Variants in TRIM25 observed in about 807,000 individuals in gnomAD.
The protein encoded by TRIM25 is tripartite motif containing 25.
TRIM25 carries 45 observed loss-of-function variants against 65.2 expected under a neutral mutation model. That is an observed-to-expected ratio of 0.69 (90% confidence interval 0.54 to 0.89). The LOEUF is 0.89. Ranked by LOEUF, TRIM25 falls within the 40% of genes least tolerant of loss-of-function variation. The pLI is 0.00. For synonymous variants in TRIM25, 321 were observed against 340.4 expected (o/e 0.94, Z 0.63); for missense variants, 714 against 803.7 (o/e 0.89, Z 1.35).
At chr17:56,906,606 A>G (rs1909525231) in intron 2 of TRIM25, among the ~76,000 whole-genome samples, 2 of 151,844 alleles carry the variant, frequency 1.3e-5, no homozygotes, top group African/African-American at 4.8e-5. Context: ...TAATTATCCT[A>G]CCTCAGCCTC....
chr17:56,888,451 T>G lies in TRIM25; in HGVS notation c.*3249A>C, dbSNP rs186819279. On this transcript the variant is annotated 3_prime_UTR_variant, in exon 9 of 9. Coordinates refer to ENST00000316881, the MANE Select transcript of TRIM25 (RefSeq NM_005082.5). The stretch of plus-strand genomic sequence containing the variant: ...TACCCCAATTGAAACAAGGATAAAA[T>G]CCACTGAACATGGAGGGCCCATTGC... 4 of 151,812 alleles carry G rather than the reference T, an allele frequency of 2.6e-5. No homozygotes were observed. The highest frequency in any genetic ancestry group is 6.6e-5 in the Admixed American group (1 of 15,258). 9.4% of individuals were successfully genotyped at this position (151,812 alleles called of 1,614,324 possible).
At chr17:56,897,827 C>G (rs1358647210) in intron 5 of TRIM25, among the ~76,000 whole-genome samples, 1 of 152,144 alleles carries the variant, frequency 6.6e-6, no homozygotes, top group Non-Finnish European at 1.5e-5. Context: ...CTTTCCACTT[C>G]CTCTTTCACT....
At position 56,891,097 on chromosome 17, in the gene TRIM25, A is replaced by G. The variant is rs1909160132; in HGVS notation, c.*603T>C. On this transcript the variant is annotated 3_prime_UTR_variant, in exon 9 of 9. Transcript: ENST00000316881. Reference sequence around the variant, plus strand: ...GTGCAGGGTAGGAAGGGAACGCACTATTTTCCAGTGGAGGAAGAGGGTATG... The same window carrying G: ...GTGCAGGGTAGGAAGGGAACGCACTGTTTTCCAGTGGAGGAAGAGGGTATG... 5.5e-6 allele frequency: 2 copies of G among 365,916 alleles called. No homozygotes were observed. The highest frequency in any genetic ancestry group is 3.6e-5 in the Admixed American group (1 of 28,068). 22.7% of individuals were successfully genotyped at this position (365,916 alleles called of 1,614,324 possible). A position where few individuals can be genotyped will look rare whatever the true frequency, so the allele number is the denominator to read the frequency against.
chr17:56,890,670 G>A lies in TRIM25; in HGVS notation c.*1030C>T, dbSNP rs1234700006. Reference sequence around the variant, plus strand: ...ATCCAGCTTAGCTGGAGGCTTGACTGTGCTAGCCTCGGTGGTACCTGCACT... The same window carrying A: ...ATCCAGCTTAGCTGGAGGCTTGACTATGCTAGCCTCGGTGGTACCTGCACT... On this transcript the variant is annotated 3_prime_UTR_variant, in exon 9 of 9. Coordinates refer to ENST00000316881, the MANE Select transcript of TRIM25 (RefSeq NM_005082.5). 4.4e-6 allele frequency: 2 copies of A among 456,604 alleles called. No homozygotes were observed. Among genetic ancestry groups the A allele is most frequent in the African/African-American group, 4.0e-5 (2 of 50,082 alleles). 28.3% of individuals were successfully genotyped at this position (456,604 alleles called of 1,614,324 possible).
At chr17:56,895,706 C>T in intron 6 of TRIM25, 102 bp from the exon 7 acceptor site, 3 of 1,288,244 alleles carry the variant, frequency 2.3e-6, no homozygotes, top group Non-Finnish European at 3.2e-6. Context: ...GCCTGAACAG[C>T]AGGACAACAC....
At chr17:56,905,442 G>A (rs9909750) in intron 2 of TRIM25, among the ~76,000 whole-genome samples, 26,544 of 152,046 alleles carry the variant, frequency 0.17, 2,656 homozygotes, top group African/African-American at 0.28. Context: ...TCATGCTCTA[G>A]GATTGTACTT....
intron 5 of TRIM25, chr17:56,898,851 A>G: frequency 2.3e-6 from 1 of 428,058 alleles, no homozygotes; most frequent in South Asian, 2.9e-5. Flanking sequence ...GCTCTGCCCA[A>G]GGACTTGGGT....
intron 3 of TRIM25, 70 bp from the exon 4 acceptor site, chr17:56,901,648 C>A: frequency 1.3e-6 from 2 of 1,582,708 alleles, no homozygotes; most frequent in African/African-American, 1.3e-5. Context: ...TCCTCACCAA[C>A]CCCAGGAGGC....
Position 56,913,679 on chromosome 17 carries a change from G to T in TRIM25, c.310C>A (p.Gln104Lys). The change falls in exon 1 of 9, where the codon CAG becomes AAG. Residue 104 changes from glutamine to lysine, a missense_variant. This residue lies in a region of TRIM25 where 291 missense variants were observed against 281.8 expected (regional missense o/e 1.03). Transcript: ENST00000316881. The surrounding 1 kb of genome is among the most constrained non-coding windows in gnomAD (Gnocchi z 6.1). ...TTCAGGCAGTGGTCGCAGGCCACCT[G>T]GGCATTCGGGCTGGGTGCAGAGGCG... ...ARASAPSPNA[Q>K]VACDHCLKEA... is the part of the protein sequence containing the mutation. 1 of 1,592,502 alleles carries T rather than the reference G, an allele frequency of 6.3e-7. No individual in the cohort carries two copies. Among genetic ancestry groups the T allele is most frequent in the Admixed American group, 1.7e-5 (1 of 58,762 alleles).
intron 4 of TRIM25, among the ~76,000 whole-genome samples, chr17:56,899,547 G>A (rs1438017498): frequency 6.6e-6 from 1 of 152,132 alleles, no homozygotes; most frequent in Non-Finnish European, 1.5e-5. Flanking sequence ...CGGAGGCTGG[G>A]TCAACACTTG....
At chr17:56,904,671 C>T (rs879776978) in intron 2 of TRIM25, among the ~76,000 whole-genome samples, 183 bp from the exon 3 acceptor site, 4 of 152,124 alleles carry the variant, frequency 2.6e-5, no homozygotes, top group Admixed American at 6.6e-5. Context: ...GGCTATGACT[C>T]GGCAACTCCA....
rs781726258 is a variant in TRIM25 at position 56,890,923 on chromosome 17, A to G, written c.*777T>C. 2.2e-6 allele frequency: 1 copy of G among 456,492 alleles called. No homozygotes were observed. Among genetic ancestry groups the G allele is most frequent in the South Asian group, 1.5e-5 (1 of 64,556 alleles). The allele number at this position is 456,492 out of a possible 1,614,324, so 28.3% of individuals were successfully genotyped here. A position where few individuals can be genotyped will look rare whatever the true frequency, so the allele number is the denominator to read the frequency against. ...AAGCATCTCTGCCAAGATGCTTCTT[A>G]TGATACTTAGGAAGGATTTCCACCC... On this transcript the variant is annotated 3_prime_UTR_variant, in exon 9 of 9. Coordinates refer to ENST00000316881, the MANE Select transcript of TRIM25 (RefSeq NM_005082.5).
In TRIM25 at chr17:56,892,262, A is replaced by C. The variant is rs367994332; in HGVS notation, c.1364-33T>G. 83 of 1,551,010 alleles carry C rather than the reference A, an allele frequency of 5.4e-5. No individual in the cohort carries two copies. In the African/African-American group the frequency reaches 9.3e-4, roughly 17 times the overall value. ...AACATCACCCCAAGGAATTAATTAC[A>C]AGGGGCCCAAAGTGCTCTTTTAGAC... On this transcript the variant is annotated intron_variant, in intron 8 of 8. Coordinates refer to ENST00000316881, the MANE Select transcript of TRIM25 (RefSeq NM_005082.5).
chr17:56,913,423 G>A lies in TRIM25; in HGVS notation c.566C>T (p.Ala189Val), dbSNP rs138027563. The A allele has an allele frequency of 9.7e-5, 154 of 1,584,170 alleles. No homozygotes were observed. In the African/African-American group the frequency reaches 1.9e-3, roughly 20 times the overall value. Residue 189 changes from alanine (A) to valine (V), a missense_variant, in exon 1 of 9, where the codon GCG becomes GTG. Physicochemically the swap from Ala to Val is moderately conservative, Grantham distance 64 (BLOSUM62 0). Around this residue, in one of 3 missense-constraint regions of TRIM25, gnomAD observed 291 missense variants for 281.8 expected, o/e 1.03. Transcript: ENST00000316881. The surrounding 1 kb of genome is among the most constrained non-coding windows in gnomAD (Gnocchi z 6.1). The part of the protein sequence containing the change: ...CLVEHKTCSP[A>V]SLSQASADLE... ...GTCGGCGCTGGCCTGGCTCAGGGAC[G>A]CGGGAGAGCAGGTCTTATGCTCCAC...
In TRIM25 at chr17:56,904,405, C is replaced by T. The variant is rs755407802; in HGVS notation, c.777G>A (p.Ser259=). 6.7e-5 allele frequency: 108 copies of T among 1,613,958 alleles called. No individual in the cohort carries two copies. The highest frequency in any genetic ancestry group is 1.6e-4 in the Middle Eastern group (1 of 6,084). The change falls in exon 3 of 9, where the codon TCG becomes TCA. Residue 259 remains serine, a synonymous_variant. Transcript: ENST00000316881. ...TCTCCTCTTCCTTTATCTTCCTTGT[C>T]GAGGTGGTCTCTGAGGCGTCCAAGA... is the stretch of plus-strand genomic sequence containing the variant. ...KALLDASETT[S]TRKIKEEEKR...
At chr17:56,900,213 CAA>C (rs35522005) in intron 4 of TRIM25, among the ~76,000 whole-genome samples, 2 of 145,412 alleles carry the variant, frequency 1.4e-5, no homozygotes, top group Admixed American at 1.4e-4. Flanking sequence ...GACTCCGTCT[CAA>C]AAAAAAAAAA....
intron 5 of TRIM25, 192 bp downstream of exon 5, chr17:56,898,923 C>A (rs866302655): frequency 5.6e-5 from 33 of 592,006 alleles, no homozygotes; most frequent in Non-Finnish European, 9.3e-5. Flanking sequence ...GCAGCCCAAA[C>A]GTGCAATGCT....
intron 4 of TRIM25, among the ~76,000 whole-genome samples, chr17:56,900,246 G>A (rs1466972069): frequency 6.6e-6 from 1 of 152,088 alleles, no homozygotes; most frequent in Non-Finnish European, 1.5e-5. Flanking sequence ...AATTAGCCGG[G>A]CATGATGGTG....
In TRIM25 at chr17:56,889,746, C is replaced by T. The variant is rs1887063368; in HGVS notation, c.*1954G>A. 2.5e-6 allele frequency: 1 copy of T among 398,508 alleles called. No individual in the cohort carries two copies. Among genetic ancestry groups the T allele is most frequent in the Admixed American group, 4.4e-5 (1 of 22,712 alleles). 24.7% of individuals were successfully genotyped at this position (398,508 alleles called of 1,614,324 possible). The stretch of plus-strand genomic sequence containing the variant: ...CTCTGGCATTCTACTCCTCCAAGCC[C>T]AGCTGTTTCCCAAGTATTAATTGGT... On this transcript the variant is annotated 3_prime_UTR_variant, in exon 9 of 9. Transcript: ENST00000316881.
Sources: gnomAD v4.1 joint callset for allele counts (sites outside exome capture counted in the v4.1 genomes callset) on GRCh38, gnomAD v4.1.1 for gene constraint, gnomAD v4.1.1 regional missense constraint, Gnocchi (gnomAD v3.1) non-coding constraint, MANE v1.5 for transcripts, NCBI Gene and HGNC (gene_info 2026-07-23, HGNC 2026-07-21) for gene names.